Variants in NDUFB3 observed in about 807,000 individuals in gnomAD.
NDUFB3 encodes the protein NADH:ubiquinone oxidoreductase subunit B3, also known as NADH dehydrogenase [ubiquinone] 1 beta subcomplex subunit 3.
NDUFB3 carries 7 observed loss-of-function variants against 9.0 expected under a neutral mutation model. That is an observed-to-expected ratio of 0.78 (90% CI 0.44 to 1.46). The LOEUF is 1.46. Ranked by LOEUF, NDUFB3 falls within the 40% of genes most tolerant of loss-of-function variation. The pLI, the probability that NDUFB3 is intolerant of heterozygous loss-of-function variation, is 0.01. For missense variants in NDUFB3, 93 were observed against 115.4 expected, an observed-to-expected ratio of 0.81 and a Z score of 0.89; for synonymous variants, 29 against 38.5, an observed-to-expected ratio of 0.75 and a Z score of 0.91.
intron 1 of NDUFB3, among the ~76,000 whole-genome samples, chr2:201,075,234 G>A (rs149922431): frequency 5.3e-5 from 8 of 150,926 alleles, no homozygotes; most frequent in Non-Finnish European, 8.9e-5. Flanking sequence ...CCTAGAGAAA[G>A]TGTTTTCAAC....
At chr2:201,072,637 TTAAC>T (rs983659822) in intron 1 of NDUFB3, among the ~76,000 whole-genome samples, 28 of 151,688 alleles carry the variant, frequency 1.8e-4, no homozygotes, top group African/African-American at 6.6e-4. Flanking sequence ...TTTTCTTTAT[TTAAC>T]TAATTTCCTT....
chr2:201,078,508 G>C (rs1247385252), intron 1 of NDUFB3, among the ~76,000 whole-genome samples: 1 of 152,062 alleles, frequency 6.6e-6, no homozygotes, highest in Non-Finnish European at 1.5e-5. Context: ...TACACATAAA[G>C]CATTTTAGCA....
At chr2:201,080,828 T>TA (rs1283422070) in intron 2 of NDUFB3, among the ~76,000 whole-genome samples, 1 of 148,532 alleles carries the variant, frequency 6.7e-6, no homozygotes, top group East Asian at 2.1e-4. Context: ...CTCAGCCTCC[T>TA]AAATAGCTGG....
At chr2:201,073,183 C>T (rs2047113604) in intron 1 of NDUFB3, among the ~76,000 whole-genome samples, 1 of 152,108 alleles carries the variant, frequency 6.6e-6, no homozygotes, top group Non-Finnish European at 1.5e-5. Context: ...GTGCTAAGCA[C>T]TCACTTGTTT....
Position 201,085,580 on chromosome 2 carries a change from C to A in NDUFB3, c.262C>A (p.Leu88Met), listed in dbSNP as rs776482626. 2 of 1,612,358 alleles carry A rather than the reference C, an allele frequency of 1.2e-6. No individual in the cohort carries two copies. The highest frequency in any genetic ancestry group is 4.5e-5 in the East Asian group (2 of 44,832). Residue 88 changes from leucine to methionine, a missense_variant, in exon 3 of 3, where the codon CTG becomes ATG. Transcript: ENST00000237889. Reference protein sequence around the residue: ...FVVAVGAEYYLESLNKDKKHH With the variant: ...FVVAVGAEYYMESLNKDKKHH ...GGTAGCTGTAGGAGCTGAATATTAC[C>A]TGGAGTCCCTGAATAAAGATAAGAA...
chr2:201,075,135 C>T (rs2047147749), intron 1 of NDUFB3, among the ~76,000 whole-genome samples: 1 of 142,624 alleles, frequency 7.0e-6, no homozygotes, highest in Non-Finnish European at 1.5e-5. Context: ...TGCTTGAGGC[C>T]AGGAGTTCAA....
chr2:201,080,061 CCCTAAGATTAT>C (rs1246942408), intron 2 of NDUFB3: 1 of 151,814 alleles, frequency 6.6e-6, no homozygotes, highest in Non-Finnish European at 1.5e-5. Context: ...CCTTTTTGCA[CCCTAAGATTAT>C]CTTCTATGCT....
rs139148238 is a variant in NDUFB3 at position 201,077,665 on chromosome 2, A to G, written c.-2-1216A>G. On this transcript the variant is annotated intron_variant, in intron 1 of 2. Transcript: ENST00000237889. ...AGTAGAATGTTACCCCCAAAAGGGG[A>G]GTTCCATTTTTTTCGTCAGTAGACC... 3.3e-3 allele frequency among the ~76,000 whole-genome samples: 505 copies of G among 152,322 alleles called. 1 individual carries two copies. The highest frequency in any genetic ancestry group is 0.011 in the African/African-American group (470 of 41,576).
At chr2:201,082,508 G>A (rs912444895) in intron 2 of NDUFB3, among the ~76,000 whole-genome samples, 2 of 151,764 alleles carry the variant, frequency 1.3e-5, no homozygotes, top group African/African-American at 4.8e-5. Context: ...CATGTGATTT[G>A]ACCACCTCAG....
intron 2 of NDUFB3, among the ~76,000 whole-genome samples, chr2:201,082,429 TA>T (rs1417643647): frequency 6.6e-6 from 1 of 151,742 alleles, no homozygotes; most frequent in Non-Finnish European, 1.5e-5. Flanking sequence ...CATGCCCAGC[TA>T]ATTTTTGTAT....
chr2:201,076,541 G>GT (rs945900892), intron 1 of NDUFB3, among the ~76,000 whole-genome samples: 4 of 144,890 alleles, frequency 2.8e-5, no homozygotes, highest in African/African-American at 1.0e-4. Flanking sequence ...TCAACATAAT[G>GT]TTTTTTAGTA....
chr2:201,084,151 G>A (rs2047263442), intron 2 of NDUFB3, among the ~76,000 whole-genome samples: 1 of 152,166 alleles, frequency 6.6e-6, no homozygotes, highest in African/African-American at 2.4e-5. Flanking sequence ...TTAGCTGGAT[G>A]TGGTGGTGTG....
chr2:201,074,970 G>A (rs2047145660), intron 1 of NDUFB3, among the ~76,000 whole-genome samples: 1 of 152,140 alleles, frequency 6.6e-6, no homozygotes, highest in South Asian at 2.1e-4. Flanking sequence ...CTAGTGCAAA[G>A]TAGGAGAATT....
At chr2:201,073,900 ATAAAG>A (rs2047129971) in intron 1 of NDUFB3, among the ~76,000 whole-genome samples, 1 of 152,100 alleles carries the variant, frequency 6.6e-6, no homozygotes, top group Admixed American at 6.5e-5. Flanking sequence ...TTTACAGTTG[ATAAAG>A]TAGATTCATA....
In NDUFB3 at chr2:201,085,575, A is replaced by G. The variant is rs753587842; in HGVS notation, c.257A>G (p.Tyr86Cys). The G allele has an allele frequency of 2.1e-5, 34 of 1,612,714 alleles. No individual in the cohort carries two copies. The highest frequency in any genetic ancestry group is 2.7e-5 in the Non-Finnish European group (32 of 1,179,368). The change falls in exon 3 of 3, where the codon TAT becomes TGT. Residue 86 changes from tyrosine (Y) to cysteine (C), a missense_variant. Transcript: ENST00000237889. Reference sequence around the variant, plus strand: ...TTTGTGGTAGCTGTAGGAGCTGAATATTACCTGGAGTCCCTGAATAAAGAT... The same window carrying G: ...TTTGTGGTAGCTGTAGGAGCTGAATGTTACCTGGAGTCCCTGAATAAAGAT... ...AAFVVAVGAE[Y>C]YLESLNKDKK...
Position 201,080,317 on chromosome 2 carries a change from C to T in NDUFB3, c.140+1295C>T, listed in dbSNP as rs374769940. ...TGGGTGGTGGCTCGCACCTATAATT[C>T]CAGCACATTGGGAAGCCAAGGCAGG... On this transcript the variant is annotated intron_variant, in intron 2 of 2. Coordinates refer to ENST00000237889, the MANE Select transcript of NDUFB3 (RefSeq NM_002491.3). 4.6e-5 allele frequency among the ~76,000 whole-genome samples: 7 copies of T among 152,100 alleles called. No individual in the cohort carries two copies. The East Asian group carries it at 1.2e-3, about 25-fold the overall frequency.
At chr2:201,085,180 A>G (rs2125539993) in intron 2 of NDUFB3, among the ~76,000 whole-genome samples, 1 of 152,344 alleles carries the variant, frequency 6.6e-6, no homozygotes, top group South Asian at 2.1e-4. Flanking sequence ...CCTGTGACAG[A>G]TAAGCTGACG....
intron 1 of NDUFB3, among the ~76,000 whole-genome samples, chr2:201,077,910 C>A (rs968461346): frequency 5.3e-5 from 8 of 152,154 alleles, no homozygotes; most frequent in Non-Finnish European, 8.8e-5. Context: ...TTAAAAGAAT[C>A]ATCTAAAGAA....
chr2:201,083,742 C>T (rs941620468), intron 2 of NDUFB3, among the ~76,000 whole-genome samples: 3 of 152,180 alleles, frequency 2.0e-5, no homozygotes. Flanking sequence ...GTTAATATGG[C>T]GAGTTACTTC....
Sources: allele counts gnomAD v4.1 joint callset (sites outside exome capture counted in the v4.1 genomes callset), GRCh38; gene constraint gnomAD v4.1.1; transcripts MANE v1.5; gene names NCBI Gene and HGNC (gene_info 2026-07-23, HGNC 2026-07-21).